EGR1: variants seen among roughly 807,000 people sequenced by gnomAD.
The protein encoded by EGR1 is early growth response protein 1.
A neutral mutation model predicts 30.2 loss-of-function variants in EGR1; 8 were observed. That is an observed-to-expected ratio of 0.26 (90% CI 0.16 to 0.48). The LOEUF is 0.48. EGR1 is among the 20% of genes least tolerant of loss of function. The pLI is 0.99. For synonymous variants in EGR1, 334 were observed against 312.8 expected (o/e 1.07, Z -0.72); for missense variants, 568 against 732.3 (o/e 0.78, Z 2.59).
Position 138,467,999 on chromosome 5 carries a change from C to T in EGR1, c.1550C>T (p.Ala517Val). The change falls in exon 2 of 2, where the codon GCT becomes GTT. Residue 517 changes from alanine to valine, a missense_variant. By Grantham distance (64) the Ala-to-Val change is moderately conservative. Transcript: ENST00000239938. The surrounding 1 kb of genome is among the most constrained non-coding windows in gnomAD (Gnocchi z 8.3). ...CAGGTCAGCAGCTTCCCTTCCTCAG[C>T]TGTCACCAACTCCTTCAGCGCCTCC... ...PAQVSSFPSS[A>V]VTNSFSASTG... The T allele has an allele frequency of 1.2e-6, 2 of 1,613,874 alleles. No homozygotes were observed. Among genetic ancestry groups the T allele is most frequent in the African/African-American group, 1.3e-5 (1 of 75,054 alleles).
Position 138,467,502 on chromosome 5 carries a change from C to A in EGR1, c.1053C>A (p.Arg351=), listed in dbSNP as rs1221070616. 6.2e-7 allele frequency: 1 copy of A among 1,611,374 alleles called. No individual in the cohort carries two copies. The highest frequency in any genetic ancestry group is 1.3e-5 in the African/African-American group (1 of 74,880). ...AGTCCTGTGATCGCCGCTTCTCCCG[C>A]TCCGACGAGCTCACCCGCCACATCC... ...PVESCDRRFS[R]SDELTRHIRI... Residue 351 remains arginine, a synonymous_variant, in exon 2 of 2, where the codon CGC becomes CGA. Transcript: ENST00000239938. This position sits in a 1 kb window ranked among gnomAD's most constrained non-coding sequence, Gnocchi z 8.3.
In EGR1 at chr5:138,466,775, C is replaced by G; in HGVS notation, c.326C>G (p.Ser109Cys). Residue 109 changes from serine (S) to cysteine (C), a missense_variant, in exon 2 of 2, where the codon TCT becomes TGT. Coordinates refer to ENST00000239938, the MANE Select transcript of EGR1 (RefSeq NM_001964.3). ...CTGCCAGAGTCTTTTCCTGACATCT[C>G]TCTGAACAACGAGAAGGTGCTGGTG... Reference protein sequence around the residue: ...HLTAESFPDISLNNEKVLVET... With the variant: ...HLTAESFPDICLNNEKVLVET... 6.2e-7 allele frequency: 1 copy of G among 1,612,600 alleles called. No individual in the cohort carries two copies. The highest frequency in any genetic ancestry group is 8.5e-7 in the Non-Finnish European group (1 of 1,178,768).
chr5:138,467,280 G>A lies in EGR1; in HGVS notation c.831G>A (p.Leu277=), dbSNP rs975622774. ...CAGACCAGAAGCCCTTCCAGGGCCTGGAGAGCCGCACCCAGCAGCCTTCGC... is the reference window on the plus strand; with the variant it reads ...CAGACCAGAAGCCCTTCCAGGGCCTAGAGAGCCGCACCCAGCAGCCTTCGC... ...GTPDQKPFQG[L]ESRTQQPSLT... Residue 277 remains leucine (L), a synonymous_variant, in exon 2 of 2, where the codon CTG becomes CTA. Transcript: ENST00000239938. The surrounding 1 kb of genome is among the most constrained non-coding windows in gnomAD (Gnocchi z 8.3). 1 of 1,613,844 alleles carries A rather than the reference G, an allele frequency of 6.2e-7. No homozygotes were observed. Among genetic ancestry groups the A allele is most frequent in the Non-Finnish European group, 8.5e-7 (1 of 1,179,972 alleles).
chr5:138,467,965 T>C lies in EGR1; in HGVS notation c.1516T>C (p.Phe506Leu). ...CACGTACTCCTCTGTTCCCCCTGCT[T>C]TCCCGGCCCAGGTCAGCAGCTTCCC... is the stretch of plus-strand genomic sequence containing the variant. ...ATTYSSVPPA[F>L]PAQVSSFPSS... The change falls in exon 2 of 2, where the codon TTC (phenylalanine) becomes CTC (leucine). Residue 506 changes from phenylalanine to leucine, a missense_variant. Coordinates refer to ENST00000239938, the MANE Select transcript of EGR1 (RefSeq NM_001964.3). This position sits in a 1 kb window ranked among gnomAD's most constrained non-coding sequence, Gnocchi z 8.3. 1 of 1,614,036 alleles carries C rather than the reference T, an allele frequency of 6.2e-7. No homozygotes were observed. The highest frequency in any genetic ancestry group is 8.5e-7 in the Non-Finnish European group (1 of 1,179,990).
rs974073836 is a variant in EGR1 at position 138,467,272 on chromosome 5, C to T, written c.823C>T (p.Gln275Ter). The change falls in exon 2 of 2, where the codon CAG becomes TAG. Residue 275 changes from glutamine to a stop codon, truncating the protein, a stop_gained. Transcript: ENST00000239938. LOFTEE classifies it high-confidence loss of function. The surrounding 1 kb of genome is among the most constrained non-coding windows in gnomAD (Gnocchi z 8.3). The part of the protein sequence containing the change: ...GLGTPDQKPF[Q>*]GLESRTQQPS... Reference sequence around the variant, plus strand: ...GGGCACCCCAGACCAGAAGCCCTTCCAGGGCCTGGAGAGCCGCACCCAGCA... The same window carrying T: ...GGGCACCCCAGACCAGAAGCCCTTCTAGGGCCTGGAGAGCCGCACCCAGCA... 1 of 1,613,952 alleles carries T rather than the reference C, an allele frequency of 6.2e-7. No homozygotes were observed. The highest frequency in any genetic ancestry group is 1.3e-5 in the African/African-American group (1 of 74,922).
Position 138,465,770 on chromosome 5 carries a change from G to T in EGR1, c.9G>T (p.Ala3=). 1 of 1,599,844 alleles carries T rather than the reference G, an allele frequency of 6.3e-7. No homozygotes were observed. Among genetic ancestry groups the T allele is most frequent in the South Asian group, 1.1e-5 (1 of 90,214 alleles). ...CAGCCTGCTCGTCCAGGATGGCCGC[G>T]GCCAAGGCCGAGATGCAGCTGATGT... The part of the protein sequence containing the change: MA[A]AKAEMQLMSP... Residue 3 remains alanine (A), a synonymous_variant, in exon 1 of 2, where the codon GCG becomes GCT. Transcript: ENST00000239938.
At position 138,465,933 on chromosome 5, in the gene EGR1, A is replaced by C; in HGVS notation, c.172A>C (p.Ser58Arg). 1 of 1,613,316 alleles carries C rather than the reference A, an allele frequency of 6.2e-7. No individual in the cohort carries two copies. Among genetic ancestry groups the C allele is most frequent in the Non-Finnish European group, 8.5e-7 (1 of 1,179,686 alleles). ...CGGCGCCGCCGGGGCCCCAGAGGGCAGCGGCAGCAACAGCAGCAGCAGCAG... is the reference window on the plus strand; with the variant it reads ...CGGCGCCGCCGGGGCCCCAGAGGGCCGCGGCAGCAACAGCAGCAGCAGCAG... ...FLGAAGAPEG[S>R]GSNSSSSSSG... is the part of the protein sequence containing the mutation. The change falls in exon 1 of 2, where the codon AGC becomes CGC. Residue 58 changes from serine to arginine, a missense_variant. Around this residue, in one of 4 missense-constraint regions of EGR1, gnomAD observed 415 missense variants for 445.2 expected, o/e 0.93. Coordinates refer to ENST00000239938, the MANE Select transcript of EGR1 (RefSeq NM_001964.3).
chr5:138,466,755 A>G lies in EGR1; in HGVS notation c.308-2A>G. On this transcript the variant is annotated splice_acceptor_variant, in intron 1 of 1. Coordinates refer to ENST00000239938, the MANE Select transcript of EGR1 (RefSeq NM_001964.3). LOFTEE classifies it high-confidence loss of function. ...GCCTCCCGCTTCTCTCTCTCCTGCC[A>G]GAGTCTTTTCCTGACATCTCTCTGA... 1 of 1,605,950 alleles carries G rather than the reference A, an allele frequency of 6.2e-7. No homozygotes were observed. Among genetic ancestry groups the G allele is most frequent in the Non-Finnish European group, 8.5e-7 (1 of 1,173,526 alleles).
At position 138,467,682 on chromosome 5, in the gene EGR1, C is replaced by G. The variant is rs1015061846; in HGVS notation, c.1233C>G (p.Arg411=). The change falls in exon 2 of 2, where the codon CGC becomes CGG. Residue 411 remains arginine, a synonymous_variant. Transcript: ENST00000239938. This position sits in a 1 kb window ranked among gnomAD's most constrained non-coding sequence, Gnocchi z 8.3. ...CGRKFARSDE[R]KRHTKIHLRQ... is the part of the protein sequence containing the mutation. ...GAAAGTTTGCCAGGAGCGATGAACG[C>G]AAGAGGCATACCAAGATCCACTTGC... The G allele has an allele frequency of 4.3e-6, 7 of 1,614,094 alleles. No homozygotes were observed. The Admixed American group carries it at 5.0e-5, about 12-fold the overall frequency.
Position 138,467,040 on chromosome 5 carries a change from C to G in EGR1, c.591C>G (p.Asn197Lys). The G allele has an allele frequency of 3.7e-6, 6 of 1,614,058 alleles. No individual in the cohort carries two copies. Among genetic ancestry groups the G allele is most frequent in the Non-Finnish European group, 5.1e-6 (6 of 1,180,036 alleles). ...SPPLSCAVPSNDSSPIYSAAP... is the reference protein window; with the variant it reads ...SPPLSCAVPSKDSSPIYSAAP... ...CCCTGAGCTGCGCAGTGCCATCCAA[C>G]GACAGCAGTCCCATTTACTCAGCGG... The change falls in exon 2 of 2, where the codon AAC (asparagine) becomes AAG (lysine). Residue 197 changes from asparagine to lysine, a missense_variant. Asn to Lys is a moderately conservative substitution (Grantham distance 94, BLOSUM62 0). Around this residue, in one of 4 missense-constraint regions of EGR1, gnomAD observed 415 missense variants for 445.2 expected, o/e 0.93. Coordinates refer to ENST00000239938, the MANE Select transcript of EGR1 (RefSeq NM_001964.3). The surrounding 1 kb of genome is among the most constrained non-coding windows in gnomAD (Gnocchi z 8.3).
chr5:138,466,953 G>C lies in EGR1; in HGVS notation c.504G>C (p.Pro168=). 1 of 1,613,852 alleles carries C rather than the reference G, an allele frequency of 6.2e-7. No individual in the cohort carries two copies. Among genetic ancestry groups the C allele is most frequent in the Middle Eastern group, 1.6e-4 (1 of 6,062 alleles). ...VSGLVSMTNP[P]ASSSSAPSPA... Reference sequence around the variant, plus strand: ...GCCTAGTGAGCATGACCAACCCACCGGCCTCCTCGTCCTCAGCACCATCTC... The same window carrying C: ...GCCTAGTGAGCATGACCAACCCACCCGCCTCCTCGTCCTCAGCACCATCTC... The change falls in exon 2 of 2, where the codon CCG becomes CCC. Residue 168 remains proline, a synonymous_variant. Transcript: ENST00000239938.
intron 1 of EGR1, 85 bp from the exon 2 acceptor site, chr5:138,466,672 C>G (rs562935451): frequency 1.9e-5 from 28 of 1,493,946 alleles, no homozygotes; most frequent in Non-Finnish European, 2.7e-6. Flanking sequence ...CCGGCCCGGT[C>G]TCTTGCCTGG....
chr5:138,465,601 C>G lies in EGR1; in HGVS notation c.-161C>G. ...GCAGCCGCGGCGCGTCCACGCCCGC[C>G]CGCGCCCAGGGCGAGTCGGGGTCGC... is the stretch of plus-strand genomic sequence containing the variant. On this transcript the variant is annotated 5_prime_UTR_variant, in exon 1 of 2. Transcript: ENST00000239938. 6.9e-6 allele frequency: 5 copies of G among 729,400 alleles called. No individual in the cohort carries two copies. Among genetic ancestry groups the G allele is most frequent in the Non-Finnish European group, 9.6e-6 (5 of 519,928 alleles). The allele number at this position is 729,400 out of a possible 1,614,324, so 45.2% of individuals were successfully genotyped here.
chr5:138,467,783 C>G lies in EGR1; in HGVS notation c.1334C>G (p.Pro445Arg). 6.2e-7 allele frequency: 1 copy of G among 1,613,748 alleles called. No homozygotes were observed. Among genetic ancestry groups the G allele is most frequent in the Non-Finnish European group, 8.5e-7 (1 of 1,179,744 alleles). ...TCCTCTCTCTCTTCCTACCCGTCCC[C>G]GGTTGCTACCTCTTACCCGTCCCCG... is the stretch of plus-strand genomic sequence containing the variant. ...ATSSLSSYPSPVATSYPSPVT... is the reference protein window; with the variant it reads ...ATSSLSSYPSRVATSYPSPVT... The change falls in exon 2 of 2, where the codon CCG (proline) becomes CGG (arginine). Residue 445 changes from proline (P) to arginine (R), a missense_variant. Physicochemically the swap from Pro to Arg is moderately radical, Grantham distance 103. Coordinates refer to ENST00000239938, the MANE Select transcript of EGR1 (RefSeq NM_001964.3). The surrounding 1 kb of genome is among the most constrained non-coding windows in gnomAD (Gnocchi z 8.3).
chr5:138,466,305 C>A (rs1764157435), intron 1 of EGR1, among the ~76,000 whole-genome samples: 1 of 152,254 alleles, frequency 6.6e-6, no homozygotes. Flanking sequence ...AGCTCTGGAG[C>A]TGCGTGGGTG....
In EGR1 at chr5:138,465,771, G is replaced by T; in HGVS notation, c.10G>T (p.Ala4Ser). 3.1e-6 allele frequency: 5 copies of T among 1,602,288 alleles called. No individual in the cohort carries two copies. Among genetic ancestry groups the T allele is most frequent in the Non-Finnish European group, 4.3e-6 (5 of 1,171,896 alleles). The change falls in exon 1 of 2, where the codon GCC becomes TCC. Residue 4 changes from alanine to serine, a missense_variant. Transcript: ENST00000239938. The stretch of plus-strand genomic sequence containing the variant: ...AGCCTGCTCGTCCAGGATGGCCGCG[G>T]CCAAGGCCGAGATGCAGCTGATGTC... MAAAKAEMQLMSPL... is the reference protein window; with the variant it reads MAASKAEMQLMSPL...
At position 138,465,702 on chromosome 5, in the gene EGR1, C is replaced by T. The variant is rs1432434904; in HGVS notation, c.-60C>T. 9 of 1,478,034 alleles carry T rather than the reference C, an allele frequency of 6.1e-6. No individual in the cohort carries two copies. The highest frequency in any genetic ancestry group is 2.3e-4 in the Middle Eastern group (1 of 4,384). The allele number at this position is 1,478,034 out of a possible 1,614,324, so 91.6% of individuals were successfully genotyped here. A position where few individuals can be genotyped will look rare whatever the true frequency, so the allele number is the denominator to read the frequency against. On this transcript the variant is annotated 5_prime_UTR_variant, in exon 1 of 2. Coordinates refer to ENST00000239938, the MANE Select transcript of EGR1 (RefSeq NM_001964.3). ...GCCCCCGCAACTGTGTCCCCTGCAGCTCCAGCCCCGGGCTGCACCCCCCCG... is the reference window on the plus strand; with the variant it reads ...GCCCCCGCAACTGTGTCCCCTGCAGTTCCAGCCCCGGGCTGCACCCCCCCG...
At position 138,466,275 on chromosome 5, in the gene EGR1, A is replaced by G. The variant is rs760037811; in HGVS notation, c.307+207A>G. ...ATCCCTAGCGGAGCGCAGAGGACCG[A>G]GCTTTTGTTTTGGATGGAGAGCTCT... On this transcript the variant is annotated intron_variant, in intron 1 of 1. Coordinates refer to ENST00000239938, the MANE Select transcript of EGR1 (RefSeq NM_001964.3). Among the ~76,000 whole-genome samples the G allele has an allele frequency of 6.6e-4, 101 of 152,170 alleles. 1 individual carries two copies. Among genetic ancestry groups the G allele is most frequent in the Admixed American group, 1.8e-3 (27 of 15,302 alleles).
chr5:138,467,316 G>C lies in EGR1; in HGVS notation c.867G>C (p.Leu289=). ...SRTQQPSLTP[L]STIKAFATQS... ...CCCAGCAGCCTTCGCTAACCCCTCT[G>C]TCTACTATTAAGGCCTTTGCCACTC... Residue 289 remains leucine, a synonymous_variant, in exon 2 of 2, where the codon CTG becomes CTC. Coordinates refer to ENST00000239938, the MANE Select transcript of EGR1 (RefSeq NM_001964.3). This position sits in a 1 kb window ranked among gnomAD's most constrained non-coding sequence, Gnocchi z 8.3. The C allele has an allele frequency of 6.2e-7, 1 of 1,614,090 alleles. No homozygotes were observed. Among genetic ancestry groups the C allele is most frequent in the South Asian group, 1.1e-5 (1 of 91,082 alleles).
Sources: gnomAD v4.1 joint callset for allele counts (sites outside exome capture counted in the v4.1 genomes callset) on GRCh38, gnomAD v4.1.1 for gene constraint, gnomAD v4.1.1 regional missense constraint, Gnocchi (gnomAD v3.1) non-coding constraint, MANE v1.5 for transcripts, NCBI Gene and HGNC (gene_info 2026-07-23, HGNC 2026-07-21) for gene names.